Variants in PRKG1 observed in about 807,000 individuals in gnomAD.
The protein encoded by PRKG1 is protein kinase cGMP-dependent 1, also known as cGMP-dependent protein kinase 1.
Under a neutral mutation model 88.1 loss-of-function variants are expected in PRKG1, and 35 were observed. That is an observed-to-expected ratio of 0.40 (90% CI 0.30 to 0.53). The LOEUF (loss-of-function observed/expected upper bound fraction) is 0.53, where lower values mean the gene tolerates loss of function less well. PRKG1 is among the 20% of genes least tolerant of loss of function. PRKG1 has a pLI of 0.59. For missense variants in PRKG1, 540 were observed against 839.8 expected, an observed-to-expected ratio of 0.64 and a Z score of 4.41; for synonymous variants, 303 against 292.5, an observed-to-expected ratio of 1.04 and a Z score of -0.37.
chr10:51,305,916 T>A (rs1199780788), intron 2 of PRKG1, among the ~76,000 whole-genome samples: 3 of 152,198 alleles, frequency 2.0e-5, no homozygotes, highest in Admixed American at 2.0e-4. Context: ...AGAGGTTGAA[T>A]ATGTTCAATT....
At chr10:51,737,070 T>C (rs1046968214) in intron 3 of PRKG1, among the ~76,000 whole-genome samples, 1 of 152,222 alleles carries the variant, frequency 6.6e-6, no homozygotes, top group African/African-American at 2.4e-5. Flanking sequence ...ACAGGTATAT[T>C]TGAAGTTTAT....
At chr10:52,026,326 A>C (rs1006289006) in intron 5 of PRKG1, among the ~76,000 whole-genome samples, 7 of 152,196 alleles carry the variant, frequency 4.6e-5, no homozygotes, top group African/African-American at 1.7e-4. Context: ...AGAGGCATGG[A>C]AGTAATTAAC....
chr10:51,361,680 A>G (rs1423540614), intron 2 of PRKG1, among the ~76,000 whole-genome samples: 2 of 151,780 alleles, frequency 1.3e-5, no homozygotes, highest in African/African-American at 4.8e-5. Context: ...TGAAATGCCA[A>G]ATTATTACCT....
intron 3 of PRKG1, among the ~76,000 whole-genome samples, chr10:51,599,954 C>G (rs542753309): frequency 3.9e-5 from 6 of 152,150 alleles, no homozygotes; most frequent in Non-Finnish European, 5.9e-5. Flanking sequence ...CTTCTACTTG[C>G]ATGCCTTATA....
intron 5 of PRKG1, among the ~76,000 whole-genome samples, chr10:52,009,390 A>G (rs1198265214): frequency 6.6e-6 from 1 of 152,038 alleles, no homozygotes; most frequent in African/African-American, 2.4e-5. Context: ...CATCCAAGTC[A>G]AGAGCCAAAT....
At chr10:51,628,264 G>C (rs1034537323) in intron 3 of PRKG1, among the ~76,000 whole-genome samples, 1 of 150,992 alleles carries the variant, frequency 6.6e-6, no homozygotes, top group Non-Finnish European at 1.5e-5. Context: ...CGACCTCCCA[G>C]GCTGAATCTA....
chr10:52,290,058 A>G (rs1254231490), intron 16 of PRKG1, among the ~76,000 whole-genome samples, 166 bp from the exon 17 acceptor site: 1 of 152,234 alleles, frequency 6.6e-6, no homozygotes, highest in Non-Finnish European at 1.5e-5. Context: ...TATGTATTTC[A>G]TAAAATAAAC....
chr10:51,925,958 A>C (rs1433979846), intron 5 of PRKG1, among the ~76,000 whole-genome samples: 1 of 152,164 alleles, frequency 6.6e-6, no homozygotes, highest in Non-Finnish European at 1.5e-5. Flanking sequence ...ATAAAATATA[A>C]TCACCATCTA....
chr10:51,720,114 A>AT (rs926472867), intron 3 of PRKG1, among the ~76,000 whole-genome samples: 1 of 152,150 alleles, frequency 6.6e-6, no homozygotes, highest in Non-Finnish European at 1.5e-5. Flanking sequence ...GTAATGAGTT[A>AT]TTTTTCGAAA....
At chr10:51,067,501 T>C (rs904291486) in intron 1 of PRKG1, among the ~76,000 whole-genome samples, 1 of 151,998 alleles carries the variant, frequency 6.6e-6, no homozygotes, top group Non-Finnish European at 1.5e-5. Context: ...ACAGCAGCAA[T>C]TGCTTTTAAT....
At chr10:51,929,346 CTT>C (rs67175480) in intron 5 of PRKG1, among the ~76,000 whole-genome samples, 32 of 109,704 alleles carry the variant, frequency 2.9e-4, no homozygotes, top group Middle Eastern at 5.2e-3. Context: ...GAATTCCTTC[CTT>C]TTTTTTTTTT....
rs1170678844 is a variant in PRKG1, at chr10:51,074,491, G to T, written c.-100G>T. 6 of 1,487,086 alleles carry T rather than the reference G, an allele frequency of 4.0e-6. No individual in the cohort carries two copies. The East Asian group carries it at 1.5e-4, about 37-fold the overall frequency. The allele number at this position is 1,487,086 out of a possible 1,614,324, so 92.1% of individuals were successfully genotyped here. On this transcript the variant is annotated 5_prime_UTR_variant, in exon 1 of 18. Coordinates refer to ENST00000373980, the MANE Select transcript of PRKG1 (RefSeq NM_006258.4). ...TCTCAAGTAGGAAGCTTTGGCACTC[G>T]GGAGGCAGCGGCGACTTTGGGGAAA...
intron 5 of PRKG1, among the ~76,000 whole-genome samples, chr10:51,979,455 T>G (rs923879952): frequency 1.7e-5 from 2 of 117,696 alleles, no homozygotes; most frequent in Admixed American, 2.3e-4. Context: ...TCTGCCAGGT[T>G]TTGGTATCAG....
At chr10:51,869,488 CA>C (rs1395638177) in intron 4 of PRKG1, among the ~76,000 whole-genome samples, 6 of 151,770 alleles carry the variant, frequency 4.0e-5, no homozygotes, top group African/African-American at 1.5e-4. Flanking sequence ...TGGAAAGTAC[CA>C]AAATCAAAGA....
At chr10:51,418,747 T>A (rs1316466216) in intron 2 of PRKG1, among the ~76,000 whole-genome samples, 1 of 152,052 alleles carries the variant, frequency 6.6e-6, no homozygotes, top group Non-Finnish European at 1.5e-5. Flanking sequence ...AAAACTACAG[T>A]GGAGGGCTAT....
intron 1 of PRKG1, among the ~76,000 whole-genome samples, chr10:51,147,439 GA>G (rs35644166): frequency 0.2 from 30,696 of 150,206 alleles, 3,589 homozygotes; most frequent in African/African-American, 0.33. Context: ...AAAGTAAAAG[GA>G]AAAAAAAAAC....
At chr10:52,156,679 A>C (rs1838113012) in intron 8 of PRKG1, among the ~76,000 whole-genome samples, 1 of 151,796 alleles carries the variant, frequency 6.6e-6, no homozygotes, top group African/African-American at 2.4e-5. Context: ...GTTATAAATA[A>C]AATAAACAAA....
At chr10:52,020,672 C>T (rs963897315) in intron 5 of PRKG1, among the ~76,000 whole-genome samples, 1 of 152,000 alleles carries the variant, frequency 6.6e-6, no homozygotes, top group Non-Finnish European at 1.5e-5. Flanking sequence ...GGGCTGCCCA[C>T]CTGTGCAATG....
Position 51,690,857 on chromosome 10 carries a change from C to T in PRKG1, c.593-113728C>T, listed in dbSNP as rs552119145. On this transcript the variant is annotated intron_variant, in intron 3 of 17. Coordinates refer to ENST00000373980, the MANE Select transcript of PRKG1 (RefSeq NM_006258.4). ...AGGAGAATCGCTTGAACCCGGGAGG[C>T]AGAGGTTGCAGTGAGCCAAGATTGC... is the stretch of plus-strand genomic sequence containing the variant. Among the ~76,000 whole-genome samples the T allele has an allele frequency of 1.3e-4, 18 of 137,776 alleles. No individual in the cohort carries two copies. In the South Asian group the frequency reaches 4.0e-3, roughly 31 times the overall value. The allele number at this position is 137,776 out of a possible 152,430, so 90.4% of individuals were successfully genotyped here. A position where few individuals can be genotyped will look rare whatever the true frequency, so the allele number is the denominator to read the frequency against.
Sources: allele counts gnomAD v4.1 joint callset (sites outside exome capture counted in the v4.1 genomes callset), GRCh38; gene constraint gnomAD v4.1.1; transcripts MANE v1.5; gene names NCBI Gene and HGNC (gene_info 2026-07-23, HGNC 2026-07-21).